The following SMIM7 variants were observed in gnomAD, a reference collection of about 807,000 sequenced individuals.
SMIM7 encodes small integral membrane protein 7.
In SMIM7, 12 loss-of-function variants were observed where a neutral mutation model predicts 13.3. That is an observed-to-expected ratio of 0.90 (90% CI 0.58 to 1.46). SMIM7 has a LOEUF of 1.46. Among genes scored for constraint, SMIM7 ranks in the 40% most tolerant of loss-of-function variants. The pLI is 0.00. For missense variants in SMIM7, 114 were observed against 94.8 expected (o/e 1.20, Z -0.84); for synonymous variants, 36 against 35.8 (o/e 1.01, Z -0.02).
At chr19:16,649,942 C>T (rs1465159529) in intron 4 of SMIM7, among the ~76,000 whole-genome samples, 1 of 152,052 alleles carries the variant, frequency 6.6e-6, no homozygotes, top group African/African-American at 2.4e-5. Context: ...GACAGGAAGC[C>T]GACGAGTGGT....
intron 2 of SMIM7, 75 bp downstream of exon 2, chr19:16,659,884 C>G (rs561514818): frequency 6.5e-7 from 1 of 1,532,880 alleles, no homozygotes; most frequent in Non-Finnish European, 8.8e-7. Context: ...CTGAGAAGTG[C>G]GCCGAGATCA....
chr19:16,654,693 TA>T (rs139487022), intron 3 of SMIM7, among the ~76,000 whole-genome samples: 18 of 146,922 alleles, frequency 1.2e-4, no homozygotes, highest in Non-Finnish European at 1.4e-4. Flanking sequence ...GTTTTTACAT[TA>T]AAAAAAAAAG....
chr19:16,641,026 G>A (rs543450267), downstream of SMIM7: 6 of 152,290 alleles, frequency 3.9e-5, no homozygotes, highest in Non-Finnish European at 5.9e-5. Flanking sequence ...AAATGTGTTT[G>A]TGTATATGTT....
In SMIM7 at chr19:16,646,426, G is replaced by C. The variant is rs896454667; in HGVS notation, c.*820C>G. 3.3e-5 allele frequency: 5 copies of C among 152,310 alleles called. No individual in the cohort carries two copies. Among genetic ancestry groups the C allele is most frequent in the African/African-American group, 1.2e-4 (5 of 41,564 alleles). The allele number at this position is 152,310 out of a possible 1,614,324, so 9.4% of individuals were successfully genotyped here. ...TTCAAAGAAGCTTCTGGAAAATGCT[G>C]TATTTCCTAGATGAAGGCCCCTGGT... On this transcript the variant is annotated 3_prime_UTR_variant, in exon 5 of 5. Transcript: ENST00000487416.
chr19:16,650,003 G>A (rs1027229467), intron 4 of SMIM7, among the ~76,000 whole-genome samples: 3 of 152,094 alleles, frequency 2.0e-5, no homozygotes, highest in South Asian at 4.1e-4. Flanking sequence ...ATGGGGACGC[G>A]GTTTCTTTCT....
downstream of SMIM7, chr19:16,645,744 C>A (rs2086443029): frequency 6.6e-6 from 1 of 151,224 alleles, no homozygotes; most frequent in South Asian, 2.1e-4. Flanking sequence ...TCACTGCAAC[C>A]TCCGCCTCCC....
chr19:16,638,301 C>CTTTT (rs375558591), intron 4 of SMIM7, among the ~76,000 whole-genome samples: 3 of 122,778 alleles, frequency 2.4e-5, no homozygotes, highest in Non-Finnish European at 3.4e-5. Flanking sequence ...TTTCTTTTTT[C>CTTTT]TTTTTTTTTT....
At chr19:16,641,295 AC>A (rs2086401943), downstream of SMIM7, 2 of 147,256 alleles carry the variant, frequency 1.4e-5, no homozygotes, top group African/African-American at 5.1e-5. Flanking sequence ...TTCTAATACA[AC>A]TTTTTTTTTT....
chr19:16,643,943 G>C (rs540488971), downstream of SMIM7: 1 of 152,254 alleles, frequency 6.6e-6, no homozygotes, highest in Admixed American at 6.5e-5. Context: ...AAGTAAAAAT[G>C]AGAACTGTAA....
intron 4 of SMIM7, chr19:16,640,507 T>C (rs534879219): frequency 3.3e-5 from 5 of 152,392 alleles, no homozygotes; most frequent in African/African-American, 1.2e-4. Context: ...GCCTTGCTAA[T>C]GACAGCTTCG....
At chr19:16,659,492 G>A (rs572109290) in intron 2 of SMIM7, 45 bp from the exon 3 acceptor site, 4 of 1,585,240 alleles carry the variant, frequency 2.5e-6, no homozygotes, top group African/African-American at 1.3e-5. Context: ...GGGACATAGA[G>A]TCCTCAGCCC....
At chr19:16,644,586 A>C (rs1182664621), downstream of SMIM7, among the ~76,000 whole-genome samples, 2 of 151,916 alleles carry the variant, frequency 1.3e-5, no homozygotes, top group African/African-American at 4.8e-5. Flanking sequence ...TACAGGGGGC[A>C]TGCCACCACA....
intron 4 of SMIM7, among the ~76,000 whole-genome samples, chr19:16,648,576 A>G (rs1377343740): frequency 6.6e-6 from 1 of 152,260 alleles, no homozygotes; most frequent in East Asian, 1.9e-4. Flanking sequence ...AAGAACCCTT[A>G]TGGATCAGCA....
chr19:16,654,361 G>A (rs1444296293), intron 3 of SMIM7, among the ~76,000 whole-genome samples: 1 of 152,086 alleles, frequency 6.6e-6, no homozygotes, highest in East Asian at 1.9e-4. Context: ...TCAAGAAGGG[G>A]CATGTGACCC....
At chr19:16,657,704 C>T (rs1428786966) in intron 3 of SMIM7, among the ~76,000 whole-genome samples, 1 of 152,158 alleles carries the variant, frequency 6.6e-6, no homozygotes, top group African/African-American at 2.4e-5. Flanking sequence ...CAAGGGCAGG[C>T]CCCCAAAAAG....
At chr19:16,650,181 C>A (rs1047968717) in intron 4 of SMIM7, among the ~76,000 whole-genome samples, 2 of 152,190 alleles carry the variant, frequency 1.3e-5, no homozygotes, top group Non-Finnish European at 1.5e-5. Flanking sequence ...ATGAAAATTT[C>A]AACACACAGA....
intron 4 of SMIM7, among the ~76,000 whole-genome samples, chr19:16,637,889 A>C (rs541529345): frequency 6.6e-6 from 1 of 152,198 alleles, no homozygotes. Context: ...GACCTCCAAC[A>C]GGGACTGTAT....
At chr19:16,659,282 CAAAAA>C (rs752864646) in intron 3 of SMIM7, 108 bp downstream of exon 3, 4,370 of 540,116 alleles carry the variant, frequency 8.1e-3, no homozygotes, top group Middle Eastern at 0.012. Context: ...GACCTTGTGT[CAAAAA>C]AAAAAAAAAA....
chr19:16,655,517 C>A, intron 3 of SMIM7: 2 of 424,546 alleles, frequency 4.7e-6, no homozygotes, highest in Non-Finnish European at 4.8e-6. Flanking sequence ...CACGTCTCTA[C>A]TAAAAATACA....
Sources: gnomAD v4.1 joint callset for allele counts (sites outside exome capture counted in the v4.1 genomes callset) on GRCh38, gnomAD v4.1.1 for gene constraint, MANE v1.5 for transcripts, NCBI Gene and HGNC (gene_info 2026-07-23, HGNC 2026-07-21) for gene names.